Variants in ANKRD13C observed in about 807,000 individuals in gnomAD.
ANKRD13C encodes ankyrin repeat domain-containing protein 13C.
ANKRD13C carries 16 observed loss-of-function variants against 65.5 expected under a neutral mutation model. The ratio of observed to expected loss-of-function variants is 0.24; its 90% CI spans 0.17 to 0.37. The LOEUF is 0.37. ANKRD13C is among the 10% of genes least tolerant of loss of function. The probability of loss-of-function intolerance (pLI) is 1.00; values close to 1 mark genes in which losing one functional copy is unlikely to be tolerated. For synonymous variants in ANKRD13C, 235 were observed against 238.7 expected (o/e 0.98, Z 0.14); for missense variants, 503 against 655.9 (o/e 0.77, Z 2.55).
At chr1:70,322,170 T>C (rs6671275) in intron 3 of ANKRD13C, among the ~76,000 whole-genome samples, 40,529 of 151,974 alleles carry the variant, frequency 0.27, 6,697 homozygotes, top group Admixed American at 0.38. Context: ...CAAAAATTAG[T>C]TGGGCACTGT....
intron 9 of ANKRD13C, among the ~76,000 whole-genome samples, chr1:70,285,726 G>C (rs1248150682): frequency 2.7e-5 from 4 of 150,422 alleles, no homozygotes; most frequent in Admixed American, 2.0e-4. Flanking sequence ...TGCCTCCCAG[G>C]CTCAAGCAAT....
intron 12 of ANKRD13C, among the ~76,000 whole-genome samples, chr1:70,264,255 C>T (rs1266095230): frequency 2.0e-5 from 3 of 152,040 alleles, no homozygotes; most frequent in Non-Finnish European, 4.4e-5. Flanking sequence ...ACAGGTGGAT[C>T]ACTTGAGGTC....
At chr1:70,342,399 A>G (rs1000990113) in intron 1 of ANKRD13C, among the ~76,000 whole-genome samples, 15 of 152,016 alleles carry the variant, frequency 9.9e-5, no homozygotes, top group African/African-American at 3.6e-4. Context: ...TTAGCCGGGC[A>G]TGGTGGCGCA....
rs377439874 is a variant in ANKRD13C, at chr1:70,349,066, T to C, written c.430+4913A>G. ...TCAAAGGAAAAAACAAAATTACAAG[T>C]CTAACCAATCAGAAGTACAGTCAAA... On this transcript the variant is annotated intron_variant, in intron 1 of 12. Transcript: ENST00000370944. Among the ~76,000 whole-genome samples, 61 of 152,240 alleles carry C rather than the reference T, an allele frequency of 4.0e-4. 1 individual carries two copies. The South Asian group carries it at 8.1e-3, about 20-fold the overall frequency.
At position 70,338,295 on chromosome 1, in the gene ANKRD13C, C is replaced by T. The variant is rs373509724; in HGVS notation, c.431-2196G>A. ...TCCAAAGGACGAATAAAGTTAGAGA[C>T]ACTCAAGTGAATTTTCCGCATTAGG... On this transcript the variant is annotated intron_variant, in intron 1 of 12. Transcript: ENST00000370944. 5.9e-5 allele frequency among the ~76,000 whole-genome samples: 9 copies of T among 152,282 alleles called. No homozygotes were observed. The East Asian group carries it at 1.5e-3, about 26-fold the overall frequency.
intron 9 of ANKRD13C, among the ~76,000 whole-genome samples, chr1:70,277,965 A>C (rs1679211341): frequency 6.6e-6 from 1 of 152,024 alleles, no homozygotes; most frequent in Admixed American, 6.6e-5. Context: ...AGACAGGAGA[A>C]TCACTTGAGC....
At chr1:70,292,665 T>C (rs1017750588) in intron 8 of ANKRD13C, 116 bp from the exon 9 acceptor site, 2 of 735,000 alleles carry the variant, frequency 2.7e-6, no homozygotes, top group Non-Finnish European at 4.3e-6. Context: ...CCTTTGGTAC[T>C]TGAAATTATC....
At chr1:70,353,864 G>C (rs1052431981) in intron 1 of ANKRD13C, 115 bp downstream of exon 1, 15 of 1,349,072 alleles carry the variant, frequency 1.1e-5, no homozygotes, top group African/African-American at 8.8e-5. Flanking sequence ...CGAACGGCCC[G>C]GATGATGGGC....
intron 9 of ANKRD13C, among the ~76,000 whole-genome samples, chr1:70,283,378 G>A (rs1230245809): frequency 6.6e-6 from 1 of 152,000 alleles, no homozygotes; most frequent in East Asian, 1.9e-4. Flanking sequence ...TAAAACTTCT[G>A]ATGACTATTT....
At chr1:70,308,180 A>G (rs890231759) in intron 5 of ANKRD13C, among the ~76,000 whole-genome samples, 2 of 152,024 alleles carry the variant, frequency 1.3e-5, no homozygotes, top group African/African-American at 4.8e-5. Flanking sequence ...ATTTTTTTAA[A>G]GACGGGGGTC....
intron 5 of ANKRD13C, among the ~76,000 whole-genome samples, chr1:70,311,988 A>G (rs1218140275): frequency 1.3e-5 from 2 of 152,228 alleles, no homozygotes; most frequent in African/African-American, 4.8e-5. Flanking sequence ...AAAAGAGGCC[A>G]GATTCTTTCT....
chr1:70,334,445 A>G (rs1681931426), intron 2 of ANKRD13C, among the ~76,000 whole-genome samples: 1 of 151,946 alleles, frequency 6.6e-6, no homozygotes, highest in Non-Finnish European at 1.5e-5. Flanking sequence ...AGGGCAACAA[A>G]GTGAGAACCT....
intron 12 of ANKRD13C, among the ~76,000 whole-genome samples, chr1:70,269,134 G>A (rs1046308226): frequency 1.3e-5 from 2 of 148,172 alleles, no homozygotes; most frequent in African/African-American, 5.0e-5. Context: ...ACATACACAG[G>A]AGGAAGTTTT....
At chr1:70,310,645 TTAAAA>T (rs1171171905) in intron 5 of ANKRD13C, among the ~76,000 whole-genome samples, 2 of 152,224 alleles carry the variant, frequency 1.3e-5, no homozygotes, top group Non-Finnish European at 2.9e-5. Flanking sequence ...TTTAGTATAA[TTAAAA>T]TATCACTTTT....
At chr1:70,291,287 C>T (rs548149605) in intron 9 of ANKRD13C, among the ~76,000 whole-genome samples, 66 of 152,324 alleles carry the variant, frequency 4.3e-4, no homozygotes, top group Non-Finnish European at 8.1e-4. Context: ...TCCCAAAGTG[C>T]TGGGATTACA....
At chr1:70,283,559 G>A (rs2101190446) in intron 9 of ANKRD13C, among the ~76,000 whole-genome samples, 1 of 152,148 alleles carries the variant, frequency 6.6e-6, no homozygotes, top group East Asian at 1.9e-4. Context: ...GCTCACACCT[G>A]TAATCCCAGC....
rs752835397 is a variant in ANKRD13C, at chr1:70,274,703, G to A, written c.1394+17C>T. 3.9e-6 allele frequency: 6 copies of A among 1,545,244 alleles called. No individual in the cohort carries two copies. Among genetic ancestry groups the A allele is most frequent in the Non-Finnish European group, 4.5e-6 (5 of 1,117,748 alleles). On this transcript the variant is annotated intron_variant, in intron 11 of 12. Coordinates refer to ENST00000370944, the MANE Select transcript of ANKRD13C (RefSeq NM_030816.5). ...ATAGTTTCTTTCATAAACATTTGTA[G>A]TTAGTAACAAACTTACAACTCTATC... is the stretch of plus-strand genomic sequence containing the variant.
At chr1:70,334,734 G>C (rs1681945267) in intron 2 of ANKRD13C, among the ~76,000 whole-genome samples, 1 of 151,968 alleles carries the variant, frequency 6.6e-6, no homozygotes, top group Non-Finnish European at 1.5e-5. Context: ...AGATCGGCCT[G>C]ACCAACATGG....
At chr1:70,299,295 A>G (rs1680223564) in intron 7 of ANKRD13C, among the ~76,000 whole-genome samples, 1 of 152,230 alleles carries the variant, frequency 6.6e-6, no homozygotes, top group Non-Finnish European at 1.5e-5. Flanking sequence ...AAAAGGCTAG[A>G]AAGGTGAGCA....
Sources: gnomAD v4.1 joint callset for allele counts (sites outside exome capture counted in the v4.1 genomes callset) on GRCh38, gnomAD v4.1.1 for gene constraint, MANE v1.5 for transcripts, NCBI Gene and HGNC (gene_info 2026-07-23, HGNC 2026-07-21) for gene names.